PRKCZ: variants seen among roughly 807,000 people sequenced by gnomAD.
The protein encoded by PRKCZ is protein kinase C zeta.
Under a neutral mutation model 79.5 loss-of-function variants are expected in PRKCZ, and 33 were observed. The ratio of observed to expected loss-of-function variants is 0.41; its 90% CI spans 0.31 to 0.55. The LOEUF is 0.55. Ranked by LOEUF, PRKCZ falls within the 20% of genes least tolerant of loss-of-function variation. The probability of loss-of-function intolerance (pLI) is 0.19; values close to 1 mark genes in which losing one functional copy is unlikely to be tolerated. For missense variants in PRKCZ, 578 were observed against 813.5 expected (o/e 0.71, Z 3.52); for synonymous variants, 342 against 320.9 (o/e 1.07, Z -0.70).
intron 10 of PRKCZ, among the ~76,000 whole-genome samples, chr1:2,163,383 C>G (rs1039106363): frequency 2.0e-5 from 3 of 152,238 alleles, no homozygotes; most frequent in Non-Finnish European, 2.9e-5. Context: ...CGGACCCTCC[C>G]AGTTCCTGGG....
chr1:2,082,528 A>G lies in PRKCZ; in HGVS notation c.334+22937A>G. On this transcript the variant is annotated intron_variant, in intron 4 of 17. Transcript: ENST00000378567. This position sits in a 1 kb window ranked among gnomAD's most constrained non-coding sequence, Gnocchi z 4.4. ...TGATGTGGGCAGTGCCGTGCTGGTA[A>G]ATGCTCTGTGAGGAAGGAACGATGG... The G allele has an allele frequency of 2.5e-6, 1 of 407,124 alleles. No homozygotes were observed. Among genetic ancestry groups the G allele is most frequent in the Admixed American group, 2.8e-5 (1 of 35,874 alleles). 25.2% of individuals were successfully genotyped at this position (407,124 alleles called of 1,614,324 possible). A position where few individuals can be genotyped will look rare whatever the true frequency, so the allele number is the denominator to read the frequency against.
intron 4 of PRKCZ, among the ~76,000 whole-genome samples, chr1:2,067,973 T>C (rs1557487796): frequency 6.6e-6 from 1 of 152,218 alleles, no homozygotes; most frequent in African/African-American, 2.4e-5. Context: ...GGGGCCCTTC[T>C]CTTGGACTTG....
chr1:2,120,718 G>T (rs1006801728), intron 4 of PRKCZ, among the ~76,000 whole-genome samples: 1 of 151,808 alleles, frequency 6.6e-6, no homozygotes, highest in East Asian at 1.9e-4. Flanking sequence ...CCCGCTTTGT[G>T]CTTCAATGTG....
Position 2,177,963 on chromosome 1 carries a change from C to T in PRKCZ, c.1575+2650C>T, listed in dbSNP as rs1685802279. Among the ~76,000 whole-genome samples the T allele has an allele frequency of 6.6e-6, 1 of 152,220 alleles. No individual in the cohort carries two copies. Among genetic ancestry groups the T allele is most frequent in the Non-Finnish European group, 1.5e-5 (1 of 68,042 alleles). On this transcript the variant is annotated intron_variant, in intron 16 of 17. Transcript: ENST00000378567. The surrounding 1 kb of genome is among the most constrained non-coding windows in gnomAD (Gnocchi z 6.4). ...CCTGCCTCTGCCGTTTCCTTGCCACCCATCAGCTCTTGAGGCTTTTAGGAA... is the reference window on the plus strand; with the variant it reads ...CCTGCCTCTGCCGTTTCCTTGCCACTCATCAGCTCTTGAGGCTTTTAGGAA...
In PRKCZ at chr1:2,082,319, A is replaced by T. The variant is rs1360852000; in HGVS notation, c.334+22728A>T. 1 of 453,410 alleles carries T rather than the reference A, an allele frequency of 2.2e-6. No homozygotes were observed. Among genetic ancestry groups the T allele is most frequent in the Non-Finnish European group, 4.4e-6 (1 of 225,532 alleles). 28.1% of individuals were successfully genotyped at this position (453,410 alleles called of 1,614,324 possible). A position where few individuals can be genotyped will look rare whatever the true frequency, so the allele number is the denominator to read the frequency against. ...TGGGGGCTGCCAGAGCGGCTGTTCA[A>T]GATGGACTTGGCAAATCACCTCTTT... On this transcript the variant is annotated intron_variant, in intron 4 of 17. Coordinates refer to ENST00000378567, the MANE Select transcript of PRKCZ (RefSeq NM_002744.6). This position sits in a 1 kb window ranked among gnomAD's most constrained non-coding sequence, Gnocchi z 4.4.
chr1:2,080,900 G>T (rs1663371193), intron 4 of PRKCZ, among the ~76,000 whole-genome samples: 1 of 152,194 alleles, frequency 6.6e-6, no homozygotes, highest in Admixed American at 6.5e-5. Context: ...CTTCGCTGGG[G>T]TTTGCCTCAT....
intron 10 of PRKCZ, among the ~76,000 whole-genome samples, chr1:2,159,662 A>C (rs922098959): frequency 6.6e-6 from 1 of 152,204 alleles, no homozygotes; most frequent in Admixed American, 6.5e-5. Flanking sequence ...GCTACAGGGA[A>C]TTCCTGAATG....
At chr1:2,070,773 G>A (rs543517293) in intron 4 of PRKCZ, among the ~76,000 whole-genome samples, 1 of 150,678 alleles carries the variant, frequency 6.6e-6, no homozygotes, top group Non-Finnish European at 1.5e-5. Context: ...TGCAGGGGCT[G>A]GGGTGGGGCT....
chr1:2,055,289 G>T, intron 1 of PRKCZ, 152 bp from the exon 2 acceptor site: 1 of 922,556 alleles, frequency 1.1e-6, no homozygotes, highest in Non-Finnish European at 1.5e-6. Flanking sequence ...GTTCTATTTT[G>T]TGTGTGGGAG....
At position 2,174,554 on chromosome 1, in the gene PRKCZ, G is replaced by A. The variant is rs551276902; in HGVS notation, c.1406-200G>A. Among the ~76,000 whole-genome samples the A allele has an allele frequency of 5.2e-5, 8 of 152,382 alleles. No individual in the cohort carries two copies. Among genetic ancestry groups the A allele is most frequent in the East Asian group, 1.9e-4 (1 of 5,192 alleles). On this transcript the variant is annotated intron_variant, in intron 14 of 17. Transcript: ENST00000378567. The surrounding 1 kb of genome is among the most constrained non-coding windows in gnomAD (Gnocchi z 6.2). The stretch of plus-strand genomic sequence containing the variant: ...TGGTTCACGTCCGATCCTACGACAC[G>A]TGCCAGCGCATGTAACCAGGAGGCC...
chr1:2,065,208 T>G, intron 4 of PRKCZ, among the ~76,000 whole-genome samples: 1 of 152,256 alleles, frequency 6.6e-6, no homozygotes, highest in East Asian at 1.9e-4. Context: ...CCTGCTGTTT[T>G]GCTGAATTTA....
rs769365736 is a variant in PRKCZ, at chr1:2,056,465, C to T, written c.194-19C>T. 7.5e-6 allele frequency: 12 copies of T among 1,609,198 alleles called. No homozygotes were observed. The highest frequency in any genetic ancestry group is 1.7e-5 in the Admixed American group (1 of 59,770). On this transcript the variant is annotated intron_variant, in intron 2 of 17. Transcript: ENST00000378567. ...CTCGGGCCTTCGGCGACGTCAGCAC[C>T]GTCTCCTGCCCCACCCAGGTGACCC...
rs1297804631 is a variant in PRKCZ, at chr1:2,172,157, G to A, written c.1164G>A (p.Gly388=). The change falls in exon 12 of 18, where the codon GGG becomes GGA. Residue 388 remains glycine (G), a synonymous_variant. Coordinates refer to ENST00000378567, the MANE Select transcript of PRKCZ (RefSeq NM_002744.6). The surrounding 1 kb of genome is among the most constrained non-coding windows in gnomAD (Gnocchi z 7.8). The stretch of plus-strand genomic sequence containing the variant: ...ACAACGTCCTCCTGGATGCGGACGG[G>A]CACATCAAGCTCACAGACTACGGCA... ...KLDNVLLDAD[G]HIKLTDYGMC... 6.2e-7 allele frequency: 1 copy of A among 1,613,378 alleles called. No individual in the cohort carries two copies. Among genetic ancestry groups the A allele is most frequent in the Non-Finnish European group, 8.5e-7 (1 of 1,179,970 alleles).
At chr1:2,065,338 T>C (rs1661026841) in intron 4 of PRKCZ, among the ~76,000 whole-genome samples, 1 of 152,252 alleles carries the variant, frequency 6.6e-6, no homozygotes, top group Non-Finnish European at 1.5e-5. Flanking sequence ...TATTTCTTTT[T>C]CTTGCCTAAT....
At chr1:2,138,122 C>T (rs928518606) in intron 5 of PRKCZ, among the ~76,000 whole-genome samples, 4 of 152,232 alleles carry the variant, frequency 2.6e-5, no homozygotes, top group African/African-American at 7.2e-5. Context: ...ATCACCTCTG[C>T]TGTCACTTAA....
At chr1:2,070,868 A>G (rs1253957856) in intron 4 of PRKCZ, among the ~76,000 whole-genome samples, 1 of 151,944 alleles carries the variant, frequency 6.6e-6, no homozygotes, top group African/African-American at 2.4e-5. Flanking sequence ...TTCTGGCTGT[A>G]GTGTCTCACT....
At chr1:2,126,075 G>T (rs1277732888) in intron 4 of PRKCZ, among the ~76,000 whole-genome samples, 1 of 151,958 alleles carries the variant, frequency 6.6e-6, no homozygotes, top group African/African-American at 2.4e-5. Flanking sequence ...GCGTCACCTG[G>T]GGGTCCTGCG....
At chr1:2,180,939 C>G (rs1044789877) in intron 16 of PRKCZ, among the ~76,000 whole-genome samples, 1 of 152,174 alleles carries the variant, frequency 6.6e-6, no homozygotes, top group Non-Finnish European at 1.5e-5. Context: ...TCCATGTGGC[C>G]GGCTAGTATG....
chr1:2,102,634 C>T (rs1028835388), intron 4 of PRKCZ, among the ~76,000 whole-genome samples: 8 of 152,044 alleles, frequency 5.3e-5, no homozygotes, highest in African/African-American at 1.4e-4. Context: ...GCCCGGCCCT[C>T]GTTTTTGTTT....
Sources: allele counts gnomAD v4.1 joint callset (sites outside exome capture counted in the v4.1 genomes callset), GRCh38; gene constraint gnomAD v4.1.1; non-coding constraint Gnocchi (gnomAD v3.1); transcripts MANE v1.5; gene names NCBI Gene and HGNC (gene_info 2026-07-23, HGNC 2026-07-21).